The following ABCA13 variants were observed in gnomAD, a reference collection of about 807,000 sequenced individuals.
ABCA13 encodes the protein ATP-binding cassette sub-family A member 13.
In ABCA13, 476 loss-of-function variants were observed where a neutral mutation model predicts 478.7. That is an observed-to-expected ratio of 0.99 (90% CI 0.92 to 1.07). The LOEUF (loss-of-function observed/expected upper bound fraction) is 1.07. Among genes scored for constraint, ABCA13 ranks in the 50% least tolerant of loss-of-function variants. The pLI, the probability that ABCA13 is intolerant of heterozygous loss-of-function variation, is 0.00. For missense variants in ABCA13, 6,060 were observed against 5,910.6 expected, an observed-to-expected ratio of 1.03 and a Z score of -0.83; for synonymous variants, 2,252 against 2,158.9, an observed-to-expected ratio of 1.04 and a Z score of -1.20.
chr7:48,339,607 C>T (rs143702313), intron 29 of ABCA13, among the ~76,000 whole-genome samples: 2 of 152,284 alleles, frequency 1.3e-5, no homozygotes, highest in East Asian at 3.9e-4. Context: ...TAGGTTTTCC[C>T]ACATGTAAAC....
chr7:48,538,099 CCT>C (rs1491279051), intron 55 of ABCA13, among the ~76,000 whole-genome samples: 7 of 120,008 alleles, frequency 5.8e-5, no homozygotes, highest in African/African-American at 6.6e-5. Flanking sequence ...TTCTTTCTTT[CCT>C]TTTTTTTTTT....
At position 48,341,860 on chromosome 7, in the gene ABCA13, T is replaced by TATATATATATATCTTTCTG. The variant is rs1392910614; in HGVS notation, c.10204+3418_10204+3436dup. ...TATATATATATATATCTTTCTGATATATATATATATATCTTTCTGATATAT... is the reference window on the plus strand; with the variant it reads ...TATATATATATATATCTTTCTGATATATATATATATATCTTTCTGATATATATATATCTTTCTGATATAT... On this transcript the variant is annotated intron_variant, in intron 29 of 61. Coordinates refer to ENST00000435803, the MANE Select transcript of ABCA13 (RefSeq NM_152701.5). 5.0e-3 allele frequency among the ~76,000 whole-genome samples: 701 copies of TATATATATATATCTTTCTG among 140,474 alleles called. 74 individuals are homozygous for TATATATATATATCTTTCTG. The highest frequency in any genetic ancestry group is 0.011 in the Middle Eastern group (3 of 268). The allele number at this position is 140,474 out of a possible 152,430, so 92.2% of individuals were successfully genotyped here.
At chr7:48,527,619 A>C (rs531075995) in intron 54 of ABCA13, among the ~76,000 whole-genome samples, 2 of 152,090 alleles carry the variant, frequency 1.3e-5, no homozygotes, top group African/African-American at 4.8e-5. Context: ...AACTGAGTTG[A>C]CTCTATGCTC....
At position 48,507,882 on chromosome 7, in the gene ABCA13, A is replaced by G; in HGVS notation, c.13357A>G (p.Ile4453Val). The change falls in exon 50 of 62, where the codon ATC becomes GTC. Residue 4453 changes from isoleucine to valine, a missense_variant. Ile to Val is a conservative substitution (Grantham distance 29, BLOSUM62 3). Transcript: ENST00000435803. ...CTGTTCCACCCGCAGCCTGGAGAGC[A>G]TCCGTCAGTGTGGAGTGGCCCTCTG... ...LLNEDKILESIRQCGVALCIV... is the reference protein window; with the variant it reads ...LLNEDKILESVRQCGVALCIV... The G allele has an allele frequency of 1.2e-6, 2 of 1,608,616 alleles. No individual in the cohort carries two copies. The highest frequency in any genetic ancestry group is 1.1e-5 in the South Asian group (1 of 90,028).
In ABCA13 at chr7:48,203,727, G is replaced by A. The variant is rs150954987; in HGVS notation, c.287+5367G>A. ...TTTAATTTAAAATGCTTTGTAATGC[G>A]AATGTGCTGTCTAAACCCGACCCTC... On this transcript the variant is annotated intron_variant, in intron 3 of 61. Transcript: ENST00000435803. 6.4e-4 allele frequency among the ~76,000 whole-genome samples: 97 copies of A among 152,278 alleles called. 1 individual carries two copies. In the East Asian group the frequency reaches 0.018, roughly 28 times the overall value.
At chr7:48,248,530 A>G (rs1383774866) in intron 14 of ABCA13, 86 bp downstream of exon 14, 2 of 1,071,952 alleles carry the variant, frequency 1.9e-6, no homozygotes, top group East Asian at 4.9e-5. Flanking sequence ...TGATAGATCA[A>G]TATGGTAGAT....
At position 48,286,886 on chromosome 7, in the gene ABCA13, A is replaced by T. The variant is rs115157848; in HGVS notation, c.8837-1074A>T. On this transcript the variant is annotated intron_variant, in intron 19 of 61. Transcript: ENST00000435803. Reference sequence around the variant, plus strand: ...GGATAACATTTTTTTTTCTAATTAAAAAAAGATTTTATTTCTTATAAAAAT... The same window carrying T: ...GGATAACATTTTTTTTTCTAATTAATAAAAGATTTTATTTCTTATAAAAAT... Among the ~76,000 whole-genome samples the T allele has an allele frequency of 7.2e-3, 1,102 of 152,302 alleles. 12 individuals carry two copies. Among genetic ancestry groups the T allele is most frequent in the African/African-American group, 0.026 (1,065 of 41,558 alleles).
Position 48,367,833 on chromosome 7 carries a change from G to C in ABCA13, c.10728G>C (p.Met3576Ile), listed in dbSNP as rs1466023539. Residue 3576 changes from methionine (M) to isoleucine (I), a missense_variant, in exon 32 of 62, where the codon ATG becomes ATC. Around this residue, in one of 3 missense-constraint regions of ABCA13, gnomAD observed 4,423 missense variants for 4,309.1 expected, o/e 1.03. Coordinates refer to ENST00000435803, the MANE Select transcript of ABCA13 (RefSeq NM_152701.5). ...NNVGFFFPLI[M>I]MLTWMVSVAS... ...TTGGTTTCTTTTTTCCACTGATAATGATGCTGACGTGGATGGTGTCTGTGG... is the reference window on the plus strand; with the variant it reads ...TTGGTTTCTTTTTTCCACTGATAATCATGCTGACGTGGATGGTGTCTGTGG... 2 of 1,578,484 alleles carry C rather than the reference G, an allele frequency of 1.3e-6. No individual in the cohort carries two copies. The highest frequency in any genetic ancestry group is 4.6e-5 in the East Asian group (2 of 43,538).
At chr7:48,192,491 G>C (rs748104005) in intron 1 of ABCA13, among the ~76,000 whole-genome samples, 2 of 152,136 alleles carry the variant, frequency 1.3e-5, no homozygotes, top group Non-Finnish European at 2.9e-5. Context: ...CAAGTAAGCT[G>C]ATAGTTATAA....
In ABCA13 at chr7:48,278,660, G is replaced by A; in HGVS notation, c.7466G>A (p.Ser2489Asn). 6.2e-7 allele frequency: 1 copy of A among 1,613,614 alleles called. No individual in the cohort carries two copies. The highest frequency in any genetic ancestry group is 8.5e-7 in the Non-Finnish European group (1 of 1,179,542). ...GCTATTTCAAGAGCAAGTGAAGAAA[G>A]TCACGTCCTGAAACCCCTCTTAGAA... ...VGAISRASEE[S>N]HVLKPLLEMS... The change falls in exon 18 of 62, where the codon AGT becomes AAT. Residue 2489 changes from serine to asparagine, a missense_variant. By Grantham distance (46) the Ser-to-Asn change is conservative. Coordinates refer to ENST00000435803, the MANE Select transcript of ABCA13 (RefSeq NM_152701.5).
In ABCA13 at chr7:48,367,796, T is replaced by G; in HGVS notation, c.10691T>G (p.Phe3564Cys). Residue 3564 changes from phenylalanine (F) to cysteine (C), a missense_variant and splice_region_variant, in exon 32 of 62, where the codon TTC becomes TGC. By Grantham distance (205) the Phe-to-Cys change is radical. Around this residue, in one of 3 missense-constraint regions of ABCA13, gnomAD observed 4,423 missense variants for 4,309.1 expected, o/e 1.03. Transcript: ENST00000435803. The stretch of plus-strand genomic sequence containing the variant: ...CTGACTGAATTATCCCCTTACAGAT[T>G]CCTGAACAACGTTGGTTTCTTTTTT... ...APYPCHTSDL[F>C]LNNVGFFFPL... 6.4e-7 allele frequency: 1 copy of G among 1,559,650 alleles called. No individual in the cohort carries two copies.
intron 29 of ABCA13, 116 bp downstream of exon 29, chr7:48,338,571 C>G (rs1806635303): frequency 1.6e-6 from 1 of 636,434 alleles, no homozygotes; most frequent in East Asian, 3.1e-5. Context: ...GTCACTTTTC[C>G]TCTCTCAGTT....
At position 48,227,304 on chromosome 7, in the gene ABCA13, A is replaced by G; in HGVS notation, c.511A>G (p.Ser171Gly). The part of the protein sequence containing the change: ...KTEEVILKLE[S>G]LHQQPHIWDF... ...CGAGGAGGTAATATTGAAACTGGAA[A>G]GCCTCCATCAGCAGCCTCATATCTG... is the stretch of plus-strand genomic sequence containing the variant. The change falls in exon 6 of 62, where the codon AGC becomes GGC. Residue 171 changes from serine (S) to glycine (G), a missense_variant. Around this residue, in one of 3 missense-constraint regions of ABCA13, gnomAD observed 4,423 missense variants for 4,309.1 expected, o/e 1.03. Coordinates refer to ENST00000435803, the MANE Select transcript of ABCA13 (RefSeq NM_152701.5). 1 of 1,613,928 alleles carries G rather than the reference A, an allele frequency of 6.2e-7. No individual in the cohort carries two copies. The highest frequency in any genetic ancestry group is 2.2e-5 in the East Asian group (1 of 44,870).
At chr7:48,292,870 T>C (rs544382334) in intron 20 of ABCA13, among the ~76,000 whole-genome samples, 30 of 152,322 alleles carry the variant, frequency 2.0e-4, no homozygotes, top group African/African-American at 6.5e-4. Flanking sequence ...GTCTCCTGTG[T>C]TCATAGCTCT....
chr7:48,208,592 G>A (rs1473508012), intron 3 of ABCA13, among the ~76,000 whole-genome samples: 2 of 151,570 alleles, frequency 1.3e-5, no homozygotes, highest in Non-Finnish European at 3.0e-5. Flanking sequence ...TGCTTTCTTG[G>A]TTTCTTTTTC....
intron 23 of ABCA13, among the ~76,000 whole-genome samples, chr7:48,305,779 A>T (rs1228089913): frequency 1.3e-5 from 2 of 152,194 alleles, no homozygotes; most frequent in Non-Finnish European, 2.9e-5. Context: ...TACTCAGATA[A>T]TTATCTAAGT....
intron 26 of ABCA13, 120 bp from the exon 27 acceptor site, chr7:48,317,037 G>A: frequency 8.0e-7 from 1 of 1,247,058 alleles, no homozygotes; most frequent in East Asian, 2.6e-5. Flanking sequence ...TCAGAGTGGT[G>A]TCAGAAAAAA....
At chr7:48,584,133 A>G (rs562412468) in intron 56 of ABCA13, among the ~76,000 whole-genome samples, 10 of 152,302 alleles carry the variant, frequency 6.6e-5, no homozygotes, top group Non-Finnish European at 2.9e-5. Flanking sequence ...TTGTCAGTTT[A>G]TCAGTTTTCT....
At chr7:48,452,140 A>G (rs1208943068) in intron 42 of ABCA13, among the ~76,000 whole-genome samples, 1 of 152,180 alleles carries the variant, frequency 6.6e-6, no homozygotes, top group Non-Finnish European at 1.5e-5. Flanking sequence ...TATGAGAAAC[A>G]TCTTTCCCCA....
Sources: allele counts gnomAD v4.1 joint callset (sites outside exome capture counted in the v4.1 genomes callset), GRCh38; gene constraint gnomAD v4.1.1; regional missense constraint gnomAD v4.1.1; transcripts MANE v1.5; gene names NCBI Gene and HGNC (gene_info 2026-07-23, HGNC 2026-07-21).